GPHN: variants seen among roughly 807,000 people sequenced by gnomAD.
The protein encoded by GPHN is gephyrin.
Under a neutral mutation model 95.5 loss-of-function variants are expected in GPHN, and 17 were observed. The observed-to-expected ratio is 0.18, with a 90% CI of 0.12 to 0.27. The LOEUF is 0.27. Among genes scored for constraint, GPHN ranks in the 10% least tolerant of loss-of-function variants. GPHN has a pLI of 1.00. For synonymous variants in GPHN, 320 were observed against 322.5 expected (o/e 0.99, Z 0.08); for missense variants, 660 against 978.1 (o/e 0.67, Z 4.34).
intron 9 of GPHN, among the ~76,000 whole-genome samples, chr14:66,995,895 T>G (rs933885796): frequency 2.6e-5 from 4 of 152,192 alleles, no homozygotes; most frequent in Non-Finnish European, 5.9e-5. Flanking sequence ...CGTTCTGCTT[T>G]CTTTCTTAAA....
chr14:67,629,940 AAT>A, the GPHN span, among the ~76,000 whole-genome samples: 1 of 152,158 alleles, frequency 6.6e-6, no homozygotes, highest in Non-Finnish European at 1.5e-5. Context: ...CAAAAATATA[AAT>A]AGTTTCAAAA....
At chr14:67,654,369 C>T in the GPHN span, among the ~76,000 whole-genome samples, 495 of 152,246 alleles carry the variant, frequency 3.3e-3, 17 homozygotes, top group East Asian at 0.081. Flanking sequence ...TTTCAAACTC[C>T]TAGGCTCAAG....
the GPHN span, among the ~76,000 whole-genome samples, chr14:67,217,750 G>C: frequency 6.6e-6 from 1 of 151,934 alleles, no homozygotes; most frequent in African/African-American, 2.4e-5. Context: ...AATCTTAAGA[G>C]TTTTCTTAAG....
At chr14:66,996,730 C>T (rs2071826588) in intron 9 of GPHN, among the ~76,000 whole-genome samples, 2 of 151,998 alleles carry the variant, frequency 1.3e-5, no homozygotes, top group South Asian at 2.1e-4. Context: ...AGATGTATCC[C>T]TTTTTTAAAA....
chr14:66,986,112 T>C (rs550771495), intron 9 of GPHN, among the ~76,000 whole-genome samples: 61 of 129,628 alleles, frequency 4.7e-4, no homozygotes, highest in African/African-American at 1.9e-3. Context: ...TTATCTCCCC[T>C]TTTAGCTTTT....
chr14:66,608,162 C>G (rs2062629196), intron 1 of GPHN, among the ~76,000 whole-genome samples: 1 of 151,322 alleles, frequency 6.6e-6, no homozygotes, highest in Admixed American at 6.6e-5. Flanking sequence ...TAGTTCCATC[C>G]CAAAGATTTT....
chr14:67,420,385 T>G, the GPHN span, among the ~76,000 whole-genome samples: 1 of 152,204 alleles, frequency 6.6e-6, no homozygotes, highest in Non-Finnish European at 1.5e-5. Flanking sequence ...AAGGCAGAGC[T>G]GTGAACGAAG....
the GPHN span, among the ~76,000 whole-genome samples, chr14:67,410,008 T>G: frequency 1.3e-5 from 2 of 152,118 alleles, no homozygotes; most frequent in East Asian, 3.9e-4. Context: ...CATCCCAGTC[T>G]TTGGGTCTGG....
At chr14:67,501,073 A>C in the GPHN span, among the ~76,000 whole-genome samples, 1 of 148,104 alleles carries the variant, frequency 6.8e-6, no homozygotes, top group South Asian at 2.1e-4. Context: ...TAATAATAAT[A>C]ATAATAATAA....
the GPHN span, among the ~76,000 whole-genome samples, chr14:67,560,615 A>G: frequency 6.6e-6 from 1 of 151,852 alleles, no homozygotes; most frequent in East Asian, 1.9e-4. Flanking sequence ...CTGTACCTTT[A>G]TTTAGGAAAC....
the GPHN span, chr14:67,393,089 G>A: frequency 3.1e-6 from 4 of 1,274,712 alleles, no homozygotes; most frequent in African/African-American, 5.9e-5. Context: ...GCACACAGCT[G>A]AGCCCTGCAT....
chr14:66,548,768 A>G (rs1159668763), intron 1 of GPHN, among the ~76,000 whole-genome samples: 2 of 152,250 alleles, frequency 1.3e-5, no homozygotes, highest in Non-Finnish European at 2.9e-5. Context: ...TTAGTGAGGA[A>G]GGAATACTAA....
At chr14:67,246,505 G>A in the GPHN span, among the ~76,000 whole-genome samples, 24,629 of 151,854 alleles carry the variant, frequency 0.16, 3,823 homozygotes, top group East Asian at 0.43. Context: ...ATGCCAGGCC[G>A]ATTTTTAAAA....
At chr14:66,770,518 T>C (rs991487484) in intron 2 of GPHN, among the ~76,000 whole-genome samples, 4 of 152,168 alleles carry the variant, frequency 2.6e-5, no homozygotes, top group African/African-American at 9.6e-5. Flanking sequence ...TGAAAGTTAC[T>C]GTAGAAAATT....
the GPHN span, chr14:67,656,527 G>A: frequency 6.2e-7 from 1 of 1,613,662 alleles, no homozygotes; most frequent in African/African-American, 1.3e-5. Flanking sequence ...CAATACTTTG[G>A]GTGGCCCGGT....
chr14:67,398,820 C>T, the GPHN span, among the ~76,000 whole-genome samples: 1 of 152,214 alleles, frequency 6.6e-6, no homozygotes, highest in African/African-American at 2.4e-5. Context: ...CTTGGCCTCC[C>T]AAAGTGCTAG....
chr14:66,513,891 C>A (rs1869584301), intron 1 of GPHN, among the ~76,000 whole-genome samples: 1 of 151,804 alleles, frequency 6.6e-6, no homozygotes, highest in Non-Finnish European at 1.5e-5. Flanking sequence ...GTTTAAACAA[C>A]CCCAACAATT....
At chr14:67,326,912 C>T in the GPHN span, among the ~76,000 whole-genome samples, 8,494 of 152,314 alleles carry the variant, frequency 0.056, 352 homozygotes, top group Middle Eastern at 0.16. Flanking sequence ...CAGTGGCTCA[C>T]GCCTGTAATC....
At chr14:67,180,103 T>C (rs947384242) in intron 22 of GPHN, among the ~76,000 whole-genome samples, 2 of 152,350 alleles carry the variant, frequency 1.3e-5, no homozygotes, top group African/African-American at 4.8e-5. Flanking sequence ...ATTGGTAAAT[T>C]TGAAGGGCAG....
Sources: allele counts gnomAD v4.1 joint callset (sites outside exome capture counted in the v4.1 genomes callset), GRCh38; gene constraint gnomAD v4.1.1; transcripts MANE v1.5; gene names NCBI Gene and HGNC (gene_info 2026-07-23, HGNC 2026-07-21).